The following NINL variants were observed in gnomAD, a reference collection of about 807,000 sequenced individuals.
The protein encoded by NINL is ninein like, also known as ninein-like protein.
In NINL, 153 loss-of-function variants were observed where a neutral mutation model predicts 160.3. The observed-to-expected ratio is 0.95, with a 90% CI of 0.84 to 1.09. The LOEUF (loss-of-function observed/expected upper bound fraction) is 1.09, where lower values mean the gene tolerates loss of function less well. Among genes scored for constraint, NINL ranks in the 50% least tolerant of loss-of-function variants. The probability of loss-of-function intolerance (pLI) is 0.00; values close to 1 mark genes in which losing one functional copy is unlikely to be tolerated. For synonymous variants in NINL, 800 were observed against 734.8 expected (o/e 1.09, Z -1.43); for missense variants, 1,829 against 1,764.0 (o/e 1.04, Z -0.66).
At chr20:25,454,716 C>T (rs1279374290) in intron 23 of NINL, among the ~76,000 whole-genome samples, 2 of 152,112 alleles carry the variant, frequency 1.3e-5, no homozygotes, top group African/African-American at 2.4e-5. Context: ...ACCCCACACC[C>T]GTGGGGTCCA....
intron 1 of NINL, chr20:25,540,008 T>C: frequency 1.6e-6 from 2 of 1,287,810 alleles, no homozygotes; most frequent in South Asian, 1.2e-5. Context: ...ACTGTAATAA[T>C]ACACACTGTT....
At chr20:25,578,014 T>C (rs1003744632) in intron 1 of NINL, among the ~76,000 whole-genome samples, 12 of 150,932 alleles carry the variant, frequency 8.0e-5, no homozygotes, top group Non-Finnish European at 1.5e-4. Flanking sequence ...GTATTTTTAG[T>C]AGAGATGGGG....
chr20:25,514,736 C>T (rs1324435954), intron 3 of NINL, among the ~76,000 whole-genome samples: 1 of 152,196 alleles, frequency 6.6e-6, no homozygotes, highest in African/African-American at 2.4e-5. Flanking sequence ...ACACTGCTCC[C>T]TACGTCCCAG....
At chr20:25,549,714 A>G (rs1388737330) in intron 1 of NINL, among the ~76,000 whole-genome samples, 3 of 152,356 alleles carry the variant, frequency 2.0e-5, no homozygotes, top group Admixed American at 2.0e-4. Flanking sequence ...CAGCACGGAA[A>G]GCCCACTCGG....
chr20:25,581,143 G>A (rs2065170427), intron 1 of NINL, among the ~76,000 whole-genome samples: 1 of 152,162 alleles, frequency 6.6e-6, no homozygotes, highest in Admixed American at 6.6e-5. Context: ...CCTGCTCATG[G>A]CAAGATCCAA....
intron 1 of NINL, among the ~76,000 whole-genome samples, chr20:25,560,397 C>T (rs113755304): frequency 0.011 from 1,701 of 152,258 alleles, 14 homozygotes; most frequent in African/African-American, 0.028. Flanking sequence ...TCTCCTCTAG[C>T]AAAAGGAACC....
At chr20:25,540,045 A>G in intron 1 of NINL, 1 of 1,288,546 alleles carries the variant, frequency 7.8e-7, no homozygotes, top group Non-Finnish European at 1.0e-6. Flanking sequence ...AGGCCTCTTC[A>G]GTTTCTTCTT....
At chr20:25,524,773 TCAATCAGCAGAGCCTG>T (rs2064325679) in intron 2 of NINL, among the ~76,000 whole-genome samples, 1 of 152,140 alleles carries the variant, frequency 6.6e-6, no homozygotes, top group Non-Finnish European at 1.5e-5. Context: ...CGTGGCTTAT[TCAATCAGCAGAGCCTG>T]CAATCTGAAC....
chr20:25,557,849 C>T (rs1455478313), intron 1 of NINL, among the ~76,000 whole-genome samples: 1 of 151,896 alleles, frequency 6.6e-6, no homozygotes, highest in Non-Finnish European at 1.5e-5. Flanking sequence ...ATATACTGGG[C>T]TGGGCGCAGT....
Position 25,542,380 on chromosome 20 carries a change from A to G in NINL, c.-11-15782T>C, listed in dbSNP as rs556133911. ...ATTTGAAGAATGAAGAAAAATGAACAGAGTCTAAAGGTCAAGTGTACAATC... is the reference window on the plus strand; with the variant it reads ...ATTTGAAGAATGAAGAAAAATGAACGGAGTCTAAAGGTCAAGTGTACAATC... On this transcript the variant is annotated intron_variant, in intron 1 of 23. Coordinates refer to ENST00000278886, the MANE Select transcript of NINL (RefSeq NM_025176.6). Among the ~76,000 whole-genome samples the G allele has an allele frequency of 2.6e-5, 4 of 152,296 alleles. No homozygotes were observed. The South Asian group carries it at 8.3e-4, about 32-fold the overall frequency.
intron 20 of NINL, among the ~76,000 whole-genome samples, chr20:25,461,882 T>C (rs1300789322): frequency 6.6e-6 from 1 of 152,206 alleles, no homozygotes. Context: ...TTCTCCTCAC[T>C]GCAGTGGGAG....
At chr20:25,478,399 C>T (rs547333401) in intron 16 of NINL, among the ~76,000 whole-genome samples, 1 of 152,226 alleles carries the variant, frequency 6.6e-6, no homozygotes, top group Non-Finnish European at 1.5e-5. Context: ...TCCTCTCCTA[C>T]CTCAGATGCC....
At chr20:25,525,118 T>C (rs1221668739) in intron 2 of NINL, among the ~76,000 whole-genome samples, 2 of 152,050 alleles carry the variant, frequency 1.3e-5, no homozygotes, top group Non-Finnish European at 2.9e-5. Flanking sequence ...CATTGAAAAA[T>C]GCAGGAATAG....
intron 1 of NINL, among the ~76,000 whole-genome samples, chr20:25,539,490 C>T (rs1395084088): frequency 6.6e-6 from 1 of 152,182 alleles, no homozygotes; most frequent in Non-Finnish European, 1.5e-5. Flanking sequence ...GGGGCGATGA[C>T]TGAAAAGGCC....
rs79106713 is a variant in NINL at position 25,529,866 on chromosome 20, A to G, written c.-11-3268T>C. ...AAAATAAATAAATAAATACAAATGA[A>G]AAAGAAAGACAAGTGGTAAAATTCA... On this transcript the variant is annotated intron_variant, in intron 1 of 23. Transcript: ENST00000278886. Among the ~76,000 whole-genome samples, 54 of 152,262 alleles carry G rather than the reference A, an allele frequency of 3.5e-4. No individual in the cohort carries two copies. The East Asian group carries it at 0.01, about 29-fold the overall frequency.
At chr20:25,562,138 C>A (rs2064950241) in intron 1 of NINL, among the ~76,000 whole-genome samples, 1 of 148,328 alleles carries the variant, frequency 6.7e-6, no homozygotes, top group Non-Finnish European at 1.5e-5. Flanking sequence ...TGTCAGCCCC[C>A]CGCCAGGCGA....
At chr20:25,470,317 A>T (rs2063065491) in intron 17 of NINL, among the ~76,000 whole-genome samples, 1 of 152,202 alleles carries the variant, frequency 6.6e-6, no homozygotes, top group Non-Finnish European at 1.5e-5. Context: ...TAGCTTCTAC[A>T]CTGCCACGCC....
intron 1 of NINL, among the ~76,000 whole-genome samples, chr20:25,527,717 A>C (rs1311792250): frequency 2.6e-5 from 4 of 152,184 alleles, no homozygotes; most frequent in Admixed American, 2.6e-4. Flanking sequence ...AATTATCAAG[A>C]CTAAAAATCC....
intron 1 of NINL, among the ~76,000 whole-genome samples, chr20:25,539,109 C>T (rs2064613003): frequency 6.6e-6 from 1 of 152,192 alleles, no homozygotes; most frequent in Admixed American, 6.5e-5. Context: ...TGCTGATGCC[C>T]AGAATCCAGT....
Sources: allele counts gnomAD v4.1 joint callset (sites outside exome capture counted in the v4.1 genomes callset), GRCh38; gene constraint gnomAD v4.1.1; transcripts MANE v1.5; gene names NCBI Gene and HGNC (gene_info 2026-07-23, HGNC 2026-07-21).